Variants in SGCZ observed in about 807,000 individuals in gnomAD.
SGCZ encodes zeta-sarcoglycan.
Under a neutral mutation model 41.3 loss-of-function variants are expected in SGCZ, and 40 were observed. That is an observed-to-expected ratio of 0.97 (90% CI 0.75 to 1.26). SGCZ has a LOEUF of 1.26. SGCZ is among the 50% of genes most tolerant of loss of function. The pLI is 0.00. For missense variants in SGCZ, 552 were observed against 369.8 expected, an observed-to-expected ratio of 1.49 and a Z score of -4.04; for synonymous variants, 206 against 137.5, an observed-to-expected ratio of 1.50 and a Z score of -3.49.
At chr8:14,859,975 T>C (rs1215335283) in intron 1 of SGCZ, among the ~76,000 whole-genome samples, 1 of 152,082 alleles carries the variant, frequency 6.6e-6, no homozygotes, top group Non-Finnish European at 1.5e-5. Context: ...TTTTTAAAAG[T>C]CAAATTATGT....
intron 2 of SGCZ, among the ~76,000 whole-genome samples, chr8:14,543,112 A>C (rs1256614026): frequency 6.6e-6 from 1 of 151,936 alleles, no homozygotes; most frequent in Non-Finnish European, 1.5e-5. Context: ...GCACCATTAT[A>C]TGTAATATAA....
chr8:15,209,140 T>A (rs984400553), intron 1 of SGCZ, among the ~76,000 whole-genome samples: 5 of 152,058 alleles, frequency 3.3e-5, no homozygotes, highest in Non-Finnish European at 5.9e-5. Flanking sequence ...ATGATTTAGA[T>A]TAAATGACTT....
intron 1 of SGCZ, among the ~76,000 whole-genome samples, chr8:14,735,751 A>G (rs909477399): frequency 6.6e-6 from 1 of 152,144 alleles, no homozygotes; most frequent in Admixed American, 6.6e-5. Flanking sequence ...CCTGACTGAT[A>G]CATACCTACT....
intron 2 of SGCZ, among the ~76,000 whole-genome samples, chr8:14,531,159 A>C (rs1001684416): frequency 2.0e-5 from 3 of 151,946 alleles, no homozygotes; most frequent in Non-Finnish European, 4.4e-5. Flanking sequence ...TCTTTACACT[A>C]TCATACCTCT....
At position 15,095,625 on chromosome 8, in the gene SGCZ, G is replaced by A. The variant is rs555944112; in HGVS notation, c.39+141960C>T. 1.3e-3 allele frequency among the ~76,000 whole-genome samples: 193 copies of A among 152,052 alleles called. 2 individuals are homozygous for A. The highest frequency in any genetic ancestry group is 4.5e-3 in the African/African-American group (185 of 41,472). Reference sequence around the variant, plus strand: ...TTTATGGAAAAGAAATATACCCTCTGAACATTCTTGCAATTGTTTTCTGTT... The same window carrying A: ...TTTATGGAAAAGAAATATACCCTCTAAACATTCTTGCAATTGTTTTCTGTT... On this transcript the variant is annotated intron_variant, in intron 1 of 7. Transcript: ENST00000382080.
intron 1 of SGCZ, among the ~76,000 whole-genome samples, chr8:14,851,688 C>A (rs1194377513): frequency 6.6e-6 from 1 of 151,954 alleles, no homozygotes; most frequent in East Asian, 1.9e-4. Flanking sequence ...TAGAGGTAAT[C>A]CATTTATAGA....
intron 1 of SGCZ, among the ~76,000 whole-genome samples, chr8:15,200,379 T>C (rs1341153785): frequency 6.6e-6 from 1 of 152,158 alleles, no homozygotes; most frequent in Non-Finnish European, 1.5e-5. Flanking sequence ...TTCCAGGCCA[T>C]CACTGGTACC....
intron 1 of SGCZ, among the ~76,000 whole-genome samples, chr8:15,196,642 A>AT (rs1453880151): frequency 2.0e-5 from 3 of 150,974 alleles, no homozygotes; most frequent in Admixed American, 2.0e-4. Context: ...TTATTTATTT[A>AT]TTATTATTAT....
chr8:15,165,698 T>C (rs961432127), intron 1 of SGCZ, among the ~76,000 whole-genome samples: 1 of 152,182 alleles, frequency 6.6e-6, no homozygotes, highest in Non-Finnish European at 1.5e-5. Flanking sequence ...TGTTTTTTAA[T>C]CAAAGGTTAT....
chr8:14,568,224 G>A (rs537985086), intron 1 of SGCZ, among the ~76,000 whole-genome samples: 43 of 152,048 alleles, frequency 2.8e-4, no homozygotes, highest in Non-Finnish European at 4.1e-4. Flanking sequence ...CACACACTGG[G>A]GCCTGTCCGG....
intron 2 of SGCZ, among the ~76,000 whole-genome samples, chr8:14,331,980 T>C (rs1400895771): frequency 6.6e-6 from 1 of 151,872 alleles, no homozygotes; most frequent in Non-Finnish European, 1.5e-5. Context: ...ACAATACATG[T>C]AATATATTTA....
At chr8:15,055,337 T>C (rs979874922) in intron 1 of SGCZ, among the ~76,000 whole-genome samples, 2 of 152,220 alleles carry the variant, frequency 1.3e-5, no homozygotes, top group African/African-American at 4.8e-5. Flanking sequence ...TTATCATTAG[T>C]ACTCAATTAT....
rs1801621641 is a variant in SGCZ, at chr8:14,089,523, G to A, written c.*920C>T. Reference sequence around the variant, plus strand: ...GTCAGAATCAAGTGCAGAGTGAGTGGAGCAAACAAAAATTATACTATTAAA... The same window carrying A: ...GTCAGAATCAAGTGCAGAGTGAGTGAAGCAAACAAAAATTATACTATTAAA... On this transcript the variant is annotated 3_prime_UTR_variant, in exon 8 of 8. Coordinates refer to ENST00000382080, the MANE Select transcript of SGCZ (RefSeq NM_139167.4). Among the ~76,000 whole-genome samples the A allele has an allele frequency of 6.6e-6, 1 of 151,896 alleles. No homozygotes were observed. The highest frequency in any genetic ancestry group is 1.5e-5 in the Non-Finnish European group (1 of 67,922).
chr8:14,667,517 A>G (rs1807948997), intron 1 of SGCZ, among the ~76,000 whole-genome samples: 1 of 152,180 alleles, frequency 6.6e-6, no homozygotes, highest in African/African-American at 2.4e-5. Flanking sequence ...TTGCTCTTTA[A>G]AAATACAGTC....
chr8:14,090,612 T>A lies in SGCZ; in HGVS notation c.770A>T (p.Lys257Met). 6.2e-7 allele frequency: 1 copy of A among 1,611,814 alleles called. No individual in the cohort carries two copies. The highest frequency in any genetic ancestry group is 1.1e-5 in the South Asian group (1 of 90,836). The change falls in exon 8 of 8, where the codon AAG (lysine) becomes ATG (methionine). Residue 257 changes from lysine to methionine, a missense_variant. Lys to Met is a moderately conservative substitution (Grantham distance 95, BLOSUM62 -1). Transcript: ENST00000382080. ...GGAGCCAGTTGGTAGATTTCCCAGCTTGATTGTCTCTGCATTTAAAAATAT... is the reference window on the plus strand; with the variant it reads ...GGAGCCAGTTGGTAGATTTCCCAGCATGATTGTCTCTGCATTTAAAAATAT... ...GEIFLNAETI[K>M]LGNLPTGSFS...
chr8:15,177,678 G>A (rs1052183477), intron 1 of SGCZ, among the ~76,000 whole-genome samples: 5 of 152,170 alleles, frequency 3.3e-5, no homozygotes, highest in Non-Finnish European at 4.4e-5. Context: ...TGGGCAATCT[G>A]TAGTGATCTA....
chr8:14,692,268 G>C (rs1012517220), intron 1 of SGCZ, among the ~76,000 whole-genome samples: 20 of 151,976 alleles, frequency 1.3e-4, no homozygotes, highest in Admixed American at 1.1e-3. Flanking sequence ...ACCAACCATA[G>C]GATATTGTCA....
chr8:14,404,399 GTGTT>G (rs34177216), intron 2 of SGCZ, among the ~76,000 whole-genome samples: 6,095 of 152,192 alleles, frequency 0.04, 380 homozygotes, highest in African/African-American at 0.14. Flanking sequence ...TGTATTCAGA[GTGTT>G]TGGGAATTTT....
Position 14,554,632 on chromosome 8 carries a change from A to C in SGCZ, c.234+100T>G, listed in dbSNP as rs959607730. On this transcript the variant is annotated intron_variant, in intron 2 of 7. Transcript: ENST00000382080. ...TGGGATTTAAAAACACACACTTGTAAATATTGATATGAATAACTTTTGATT... is the reference window on the plus strand; with the variant it reads ...TGGGATTTAAAAACACACACTTGTACATATTGATATGAATAACTTTTGATT... 2.4e-5 allele frequency: 23 copies of C among 968,004 alleles called. No homozygotes were observed. The African/African-American group carries it at 3.8e-4, about 16-fold the overall frequency. The allele number at this position is 968,004 out of a possible 1,614,324, so 60.0% of individuals were successfully genotyped here.
Sources: allele counts gnomAD v4.1 joint callset (sites outside exome capture counted in the v4.1 genomes callset), GRCh38; gene constraint gnomAD v4.1.1; transcripts MANE v1.5; gene names NCBI Gene and HGNC (gene_info 2026-07-23, HGNC 2026-07-21).